Variants in SPAG16 observed in about 807,000 individuals in gnomAD.
SPAG16 encodes sperm associated antigen 16.
In SPAG16, 86 loss-of-function variants were observed where a neutral mutation model predicts 80.4. That is an observed-to-expected ratio of 1.07 (90% CI 0.90 to 1.28). The LOEUF (loss-of-function observed/expected upper bound fraction) is 1.28, where lower values mean the gene tolerates loss of function less well. Ranked by LOEUF, SPAG16 falls within the 50% of genes most tolerant of loss-of-function variation. The pLI is 0.00. For missense variants in SPAG16, 870 were observed against 765.3 expected (o/e 1.14, Z -1.61); for synonymous variants, 294 against 265.9 (o/e 1.11, Z -1.03).
At chr2:214,222,832 A>T (rs1456039016) in intron 15 of SPAG16, among the ~76,000 whole-genome samples, 1 of 152,180 alleles carries the variant, frequency 6.6e-6, no homozygotes, top group Non-Finnish European at 1.5e-5. Flanking sequence ...GATGTGCCTC[A>T]TACCAAATAA....
intron 10 of SPAG16, among the ~76,000 whole-genome samples, chr2:213,675,462 T>C (rs1414832848): frequency 1.3e-5 from 2 of 152,206 alleles, no homozygotes; most frequent in Admixed American, 6.5e-5. Flanking sequence ...TCCTTGCCCA[T>C]GCCTATGTCC....
At chr2:214,279,340 C>T (rs746593668) in intron 15 of SPAG16, among the ~76,000 whole-genome samples, 8 of 152,116 alleles carry the variant, frequency 5.3e-5, no homozygotes, top group Non-Finnish European at 1.0e-4. Flanking sequence ...TGTGATCCGC[C>T]CTCCTCAACC....
intron 10 of SPAG16, among the ~76,000 whole-genome samples, chr2:213,627,769 C>T (rs146517196): frequency 6.6e-4 from 101 of 152,280 alleles, no homozygotes; most frequent in Middle Eastern, 3.4e-3. Context: ...AACAGTATGC[C>T]AATGGGTATT....
intron 15 of SPAG16, among the ~76,000 whole-genome samples, chr2:214,330,534 A>G (rs1024658482): frequency 2.6e-5 from 4 of 152,220 alleles, no homozygotes; most frequent in African/African-American, 9.7e-5. Flanking sequence ...ACAGAATTGT[A>G]CAGAAGGAGA....
intron 1 of SPAG16, among the ~76,000 whole-genome samples, chr2:213,292,068 C>G (rs1055801470): frequency 6.6e-6 from 1 of 152,120 alleles, no homozygotes; most frequent in African/African-American, 2.4e-5. Flanking sequence ...TTCTATGCTT[C>G]GAGGACAAAT....
chr2:214,152,888 T>A (rs1044406568), intron 15 of SPAG16, among the ~76,000 whole-genome samples: 8 of 152,076 alleles, frequency 5.3e-5, no homozygotes, highest in Non-Finnish European at 1.0e-4. Flanking sequence ...TCAGAGACTT[T>A]TAGTACTTTC....
At chr2:213,900,112 CA>C (rs762591942) in intron 11 of SPAG16, among the ~76,000 whole-genome samples, 1 of 152,154 alleles carries the variant, frequency 6.6e-6, no homozygotes, top group Non-Finnish European at 1.5e-5. Flanking sequence ...GCATCACACT[CA>C]CATATTTTGG....
chr2:213,410,811 C>A (rs1229283635), intron 9 of SPAG16, among the ~76,000 whole-genome samples: 2 of 152,098 alleles, frequency 1.3e-5, no homozygotes, highest in Non-Finnish European at 2.9e-5. Flanking sequence ...GCATGGGCTG[C>A]ATGGTAGCTC....
chr2:213,920,380 G>A (rs1014069559), intron 11 of SPAG16, among the ~76,000 whole-genome samples: 5 of 152,172 alleles, frequency 3.3e-5, no homozygotes, highest in Non-Finnish European at 7.3e-5. Context: ...AGTGTCACTG[G>A]TCTGTATACT....
At chr2:213,436,491 C>A (rs2070649634) in intron 9 of SPAG16, among the ~76,000 whole-genome samples, 1 of 152,096 alleles carries the variant, frequency 6.6e-6, no homozygotes, top group African/African-American at 2.4e-5. Flanking sequence ...ATAATTGTAT[C>A]ATTGGATTAT....
At chr2:214,174,694 A>G (rs1457780079) in intron 15 of SPAG16, among the ~76,000 whole-genome samples, 2 of 151,738 alleles carry the variant, frequency 1.3e-5, no homozygotes, top group Admixed American at 1.3e-4. Flanking sequence ...TGTGCCATAC[A>G]TACAGTATTT....
At chr2:214,318,568 G>T (rs1297897070) in intron 15 of SPAG16, among the ~76,000 whole-genome samples, 2 of 151,682 alleles carry the variant, frequency 1.3e-5, no homozygotes, top group Non-Finnish European at 2.9e-5. Context: ...GAGAGATGGG[G>T]TCTCACCATG....
Position 213,323,176 on chromosome 2 carries a change from T to C in SPAG16, c.536+5820T>C, listed in dbSNP as rs550158123. Among the ~76,000 whole-genome samples the C allele has an allele frequency of 1.6e-3, 247 of 152,258 alleles. 2 individuals are homozygous for C. The highest frequency in any genetic ancestry group is 5.4e-3 in the South Asian group (26 of 4,822). On this transcript the variant is annotated intron_variant, in intron 5 of 15. Coordinates refer to ENST00000331683, the MANE Select transcript of SPAG16 (RefSeq NM_024532.5). ...AAACAATATGTCCGGCGCGGTGGCT[T>C]ACGCCTGTAATCCCAGCACTGTGGG...
At chr2:213,362,469 G>T (rs552936577) in intron 7 of SPAG16, among the ~76,000 whole-genome samples, 1 of 152,264 alleles carries the variant, frequency 6.6e-6, no homozygotes, top group Admixed American at 6.5e-5. Flanking sequence ...AAATAGGGAA[G>T]AAAGTAACTT....
chr2:214,032,899 C>T (rs559784682), intron 13 of SPAG16, among the ~76,000 whole-genome samples: 1 of 152,028 alleles, frequency 6.6e-6, no homozygotes, highest in South Asian at 2.1e-4. Flanking sequence ...ACAGAAATAT[C>T]CATAATCCAT....
intron 11 of SPAG16, among the ~76,000 whole-genome samples, chr2:213,870,148 C>T (rs2105981933): frequency 6.6e-6 from 1 of 152,216 alleles, no homozygotes; most frequent in African/African-American, 2.4e-5. Context: ...GAATGAAAGT[C>T]ACATTTTCAG....
chr2:213,397,421 C>T (rs953956955), intron 9 of SPAG16, among the ~76,000 whole-genome samples: 2 of 152,112 alleles, frequency 1.3e-5, no homozygotes, highest in African/African-American at 4.8e-5. Flanking sequence ...ATGAACATAC[C>T]CTTCCGTGAA....
chr2:213,971,928 T>TTG (rs529873365), intron 12 of SPAG16, among the ~76,000 whole-genome samples: 29 of 151,168 alleles, frequency 1.9e-4, no homozygotes, highest in Admixed American at 8.6e-4. Flanking sequence ...TGATATCTAA[T>TTG]TGTGTGTGTG....
intron 13 of SPAG16, among the ~76,000 whole-genome samples, chr2:214,087,258 A>G (rs1027468767): frequency 6.6e-6 from 1 of 152,190 alleles, no homozygotes; most frequent in African/African-American, 2.4e-5. Context: ...ATAATAATGT[A>G]GAAAAAATGT....
Sources: gnomAD v4.1 joint callset for allele counts (sites outside exome capture counted in the v4.1 genomes callset) on GRCh38, gnomAD v4.1.1 for gene constraint, MANE v1.5 for transcripts, NCBI Gene and HGNC (gene_info 2026-07-23, HGNC 2026-07-21) for gene names.